Variants in MGAT4C observed in about 807,000 individuals in gnomAD.
MGAT4C encodes the protein MGAT4 family member C, also known as alpha-1,3-mannosyl-glycoprotein 4-beta-N-acetylglucosaminyltransferase C.
Under a neutral mutation model 40.1 loss-of-function variants are expected in MGAT4C, and 19 were observed. The ratio of observed to expected loss-of-function variants is 0.47; its 90% CI spans 0.33 to 0.70. The LOEUF is 0.70. MGAT4C is among the 30% of genes least tolerant of loss of function. MGAT4C has a pLI of 0.02. For missense variants in MGAT4C, 491 were observed against 563.2 expected (o/e 0.87, Z 1.30); for synonymous variants, 181 against 187.1 (o/e 0.97, Z 0.27).
chr12:86,355,655 T>C (rs78022826), intron 3 of MGAT4C, among the ~76,000 whole-genome samples: 1,703 of 152,050 alleles, frequency 0.011, 19 homozygotes, highest in East Asian at 0.046. Context: ...ATACACATAA[T>C]GAAAATATCC....
intron 3 of MGAT4C, among the ~76,000 whole-genome samples, chr12:86,336,270 C>T (rs12579899): frequency 6.6e-6 from 1 of 152,136 alleles, no homozygotes; most frequent in Non-Finnish European, 1.5e-5. Context: ...ACTAGTTCAC[C>T]TAATTTGCGA....
intron 1 of MGAT4C, among the ~76,000 whole-genome samples, chr12:86,787,005 G>A (rs984994758): frequency 2.0e-5 from 3 of 151,990 alleles, no homozygotes; most frequent in African/African-American, 7.2e-5. Flanking sequence ...TGTATGTTTT[G>A]TATTTTTTAC....
intron 2 of MGAT4C, among the ~76,000 whole-genome samples, chr12:85,996,151 A>G (rs1230312041): frequency 6.6e-6 from 1 of 152,220 alleles, no homozygotes; most frequent in Non-Finnish European, 1.5e-5. Flanking sequence ...GAAACTAATC[A>G]GAGAGAAAAA....
At chr12:86,555,743 C>T (rs975951983) in intron 2 of MGAT4C, among the ~76,000 whole-genome samples, 1 of 152,180 alleles carries the variant, frequency 6.6e-6, no homozygotes, top group African/African-American at 2.4e-5. Context: ...CTTTTGACCC[C>T]CACATTCTCA....
At chr12:86,249,661 T>C (rs894339948) in intron 1 of MGAT4C, among the ~76,000 whole-genome samples, 6 of 152,144 alleles carry the variant, frequency 3.9e-5, no homozygotes, top group African/African-American at 1.2e-4. Flanking sequence ...TTGGTGCAAA[T>C]TTTTAGCTCT....
chr12:86,152,288 G>C (rs1884386262), intron 1 of MGAT4C, among the ~76,000 whole-genome samples: 1 of 152,212 alleles, frequency 6.6e-6, no homozygotes, highest in Non-Finnish European at 1.5e-5. Context: ...AGAAGTCCAA[G>C]ATCAAGGCGC....
chr12:86,737,909 A>G (rs1463855908), intron 1 of MGAT4C, among the ~76,000 whole-genome samples: 1 of 151,568 alleles, frequency 6.6e-6, no homozygotes, highest in Non-Finnish European at 1.5e-5. Context: ...ATAAACTTCT[A>G]CCTATTTCTC....
chr12:86,695,524 C>A (rs892112799), intron 2 of MGAT4C, among the ~76,000 whole-genome samples: 1 of 152,110 alleles, frequency 6.6e-6, no homozygotes, highest in African/African-American at 2.4e-5. Flanking sequence ...ACCTAAATGT[C>A]CATCAACGTA....
At chr12:86,084,338 T>C (rs1438002210) in intron 1 of MGAT4C, among the ~76,000 whole-genome samples, 3 of 152,018 alleles carry the variant, frequency 2.0e-5, no homozygotes, top group South Asian at 2.1e-4. Flanking sequence ...ATATGAAGTA[T>C]TGTACCAGAG....
At chr12:86,566,035 C>G (rs576445342) in intron 2 of MGAT4C, among the ~76,000 whole-genome samples, 126 of 152,256 alleles carry the variant, frequency 8.3e-4, no homozygotes, top group African/African-American at 2.9e-3. Context: ...GATCAGCCAG[C>G]TACTTGGCGA....
Position 86,208,669 on chromosome 12 carries a change from T to A in MGAT4C, c.-57+47570A>T, listed in dbSNP as rs183612016. Among the ~76,000 whole-genome samples, 8 of 151,824 alleles carry A rather than the reference T, an allele frequency of 5.3e-5. No homozygotes were observed. The East Asian group carries it at 1.2e-3, about 22-fold the overall frequency. On this transcript the variant is annotated intron_variant, in intron 1 of 4. Transcript: ENST00000611864. ...TGCAGTAGAGTTTTTTATTTTTTTT[T>A]AATTTTTGCCCTGTTTAACTTTGCA...
At chr12:86,364,163 C>T (rs2897271) in intron 3 of MGAT4C, among the ~76,000 whole-genome samples, 111,305 of 151,838 alleles carry the variant, frequency 0.73, 40,994 homozygotes, top group East Asian at 0.91. Context: ...TCCTACAGAA[C>T]CTCTTCCAGA....
chr12:86,042,994 C>A (rs1471618515), intron 2 of MGAT4C, among the ~76,000 whole-genome samples: 1 of 152,008 alleles, frequency 6.6e-6, no homozygotes, highest in African/African-American at 2.4e-5. Context: ...TTCTCTCCAG[C>A]TGCATTTAAC....
At chr12:86,124,007 C>T (rs769664547) in intron 1 of MGAT4C, among the ~76,000 whole-genome samples, 5 of 151,788 alleles carry the variant, frequency 3.3e-5, no homozygotes, top group African/African-American at 7.3e-5. Flanking sequence ...ACGACTCCAC[C>T]GATAGGACAA....
intron 2 of MGAT4C, among the ~76,000 whole-genome samples, chr12:86,030,455 T>G (rs1051312234): frequency 6.6e-6 from 1 of 151,644 alleles, no homozygotes; most frequent in African/African-American, 2.4e-5. Context: ...TAAAACACAT[T>G]AAATGAAAAA....
intron 1 of MGAT4C, among the ~76,000 whole-genome samples, chr12:86,195,531 T>G (rs1440428660): frequency 1.3e-5 from 2 of 152,158 alleles, no homozygotes; most frequent in Non-Finnish European, 1.5e-5. Context: ...TGATAACACA[T>G]GCTTGAAAAT....
chr12:86,449,824 C>G (rs1957395199), intron 2 of MGAT4C, among the ~76,000 whole-genome samples: 1 of 152,060 alleles, frequency 6.6e-6, no homozygotes, highest in Non-Finnish European at 1.5e-5. Context: ...ATCTAATTTA[C>G]CCATTCCAAA....
chr12:86,723,587 T>C (rs987411273), intron 2 of MGAT4C, among the ~76,000 whole-genome samples: 1 of 152,162 alleles, frequency 6.6e-6, no homozygotes, highest in Non-Finnish European at 1.5e-5. Context: ...AATAAGTACC[T>C]ATTATATTGA....
Position 86,609,732 on chromosome 12 carries a change from A to AT in MGAT4C, c.-229+117476dup, listed in dbSNP as rs11361953. On this transcript the variant is annotated intron_variant, in intron 2 of 7. Transcript: ENST00000548651. ...CCTCAAACCCTACTTAAAAAGTAAG[A>AT]TTTTTTTTTTTGAGAAATATGTACA... 2.2e-3 allele frequency among the ~76,000 whole-genome samples: 333 copies of AT among 148,112 alleles called. 1 individual carries two copies. Among genetic ancestry groups the AT allele is most frequent in the African/African-American group, 6.4e-3 (261 of 40,482 alleles).
Sources: allele counts gnomAD v4.1 joint callset (sites outside exome capture counted in the v4.1 genomes callset), GRCh38; gene constraint gnomAD v4.1.1; transcripts MANE v1.5; gene names NCBI Gene and HGNC (gene_info 2026-07-23, HGNC 2026-07-21).